PTPRT: variants seen among roughly 807,000 people sequenced by gnomAD.
PTPRT encodes the protein protein tyrosine phosphatase receptor type T.
In PTPRT, 56 loss-of-function variants were observed where a neutral mutation model predicts 176.8. The ratio of observed to expected loss-of-function variants is 0.32; its 90% CI spans 0.26 to 0.40. The LOEUF (loss-of-function observed/expected upper bound fraction) is 0.40, where lower values mean the gene tolerates loss of function less well. PTPRT is among the 10% of genes least tolerant of loss of function. PTPRT has a pLI of 1.00. For missense variants in PTPRT, 1,540 were observed against 1,908.2 expected, an observed-to-expected ratio of 0.81 and a Z score of 3.60; for synonymous variants, 783 against 739.0, an observed-to-expected ratio of 1.06 and a Z score of -0.96.
chr20:42,645,764 A>ATGTGTGTGTGTGTGTGTG (rs59454108), intron 7 of PTPRT, among the ~76,000 whole-genome samples: 10 of 139,586 alleles, frequency 7.2e-5, no homozygotes, highest in African/African-American at 2.6e-4. Context: ...ATGTGTATTT[A>ATGTGTGTGTGTGTGTGTG]TGTGTGTGTG....
intron 12 of PTPRT, among the ~76,000 whole-genome samples, chr20:42,302,992 C>A (rs1479151640): frequency 1.3e-5 from 2 of 152,156 alleles, no homozygotes; most frequent in East Asian, 3.9e-4. Flanking sequence ...CATTCCTCAA[C>A]AATAGGACTT....
At chr20:42,807,792 T>C (rs988317939) in intron 2 of PTPRT, among the ~76,000 whole-genome samples, 2 of 152,232 alleles carry the variant, frequency 1.3e-5, no homozygotes, top group African/African-American at 2.4e-5. Flanking sequence ...TTACTAATTA[T>C]GTGCCCGCTA....
At chr20:42,355,058 A>T (rs1029783918) in intron 9 of PTPRT, among the ~76,000 whole-genome samples, 1 of 152,002 alleles carries the variant, frequency 6.6e-6, no homozygotes, top group African/African-American at 2.4e-5. Flanking sequence ...TCCTTCTCAG[A>T]GGCAAGTGCT....
At chr20:42,669,248 G>A (rs1044735958) in intron 7 of PTPRT, among the ~76,000 whole-genome samples, 1 of 152,040 alleles carries the variant, frequency 6.6e-6, no homozygotes. Context: ...CTTCAATCTA[G>A]GTTCACCTGC....
intron 15 of PTPRT, among the ~76,000 whole-genome samples, chr20:42,219,808 C>T (rs1427645704): frequency 2.6e-5 from 4 of 152,172 alleles, no homozygotes; most frequent in Admixed American, 6.5e-5. Flanking sequence ...GCTTAACTAT[C>T]ACATGGTTCT....
chr20:42,883,694 CCT>C (rs2079042314), intron 2 of PTPRT, among the ~76,000 whole-genome samples: 1 of 4,778 alleles, frequency 2.1e-4, no homozygotes, highest in Non-Finnish European at 4.6e-4. Context: ...CACACACACA[CCT>C]CCCATACACC....
chr20:42,674,024 A>G (rs1171746147), intron 7 of PTPRT, among the ~76,000 whole-genome samples: 1 of 151,992 alleles, frequency 6.6e-6, no homozygotes, highest in Non-Finnish European at 1.5e-5. Context: ...ATACTCTCTC[A>G]CTTTCTGTTT....
chr20:42,236,282 T>A, intron 14 of PTPRT, 24 bp from the exon 15 acceptor site: 1 of 1,562,410 alleles, frequency 6.4e-7, no homozygotes, highest in Non-Finnish European at 8.8e-7. Flanking sequence ...GGCAGTCAGA[T>A]GAAGGAAATG....
chr20:42,449,308 T>C (rs2070785435), intron 8 of PTPRT, among the ~76,000 whole-genome samples: 1 of 152,144 alleles, frequency 6.6e-6, no homozygotes, highest in Non-Finnish European at 1.5e-5. Context: ...AGTGCAACCT[T>C]TCCTGGGGCT....
chr20:42,105,095 G>T (rs1986310786), intron 24 of PTPRT, among the ~76,000 whole-genome samples: 1 of 152,190 alleles, frequency 6.6e-6, no homozygotes, highest in Non-Finnish European at 1.5e-5. Context: ...TACTTGGGCT[G>T]TGTGGAAAGG....
intron 23 of PTPRT, among the ~76,000 whole-genome samples, chr20:42,108,422 AC>A (rs1235700749): frequency 7.0e-6 from 1 of 142,872 alleles, no homozygotes; most frequent in African/African-American, 3.0e-5. Flanking sequence ...TAAAATACTC[AC>A]TCATCTATAA....
rs965302090 is a variant in PTPRT, at chr20:42,688,145, A to T, written c.860-9986T>A. The T allele has an allele frequency of 2.0e-5, 3 of 152,174 alleles. No individual in the cohort carries two copies. In the East Asian group the frequency reaches 5.8e-4, roughly 29 times the overall value. 9.4% of individuals were successfully genotyped at this position (152,174 alleles called of 1,614,324 possible). A position where few individuals can be genotyped will look rare whatever the true frequency, so the allele number is the denominator to read the frequency against. ...CAGTCCTAGTGATGGGAGACTTCAG[A>T]TGGAGACTGGGATGCTGGAAGAAGG... On this transcript the variant is annotated intron_variant, in intron 6 of 30. Coordinates refer to ENST00000373187, the MANE Select transcript of PTPRT (RefSeq NM_007050.6).
At chr20:42,778,336 C>T (rs962287824) in intron 4 of PTPRT, among the ~76,000 whole-genome samples, 8 of 152,096 alleles carry the variant, frequency 5.3e-5, no homozygotes, top group African/African-American at 1.9e-4. Flanking sequence ...GGGTAAGAGA[C>T]AGGTGTCAAG....
chr20:42,078,012 A>G lies in PTPRT; in HGVS notation c.*2867T>C, dbSNP rs1177412889. ...ATGTACCAAGATCTAAGAAAATAGC[A>G]TACAGCAGGCAGATTTGCCATGCTA... On this transcript the variant is annotated 3_prime_UTR_variant, in exon 31 of 31. Transcript: ENST00000373187. 1 of 190,086 alleles carries G rather than the reference A, an allele frequency of 5.3e-6. No individual in the cohort carries two copies. The highest frequency in any genetic ancestry group is 1.1e-5 in the Non-Finnish European group (1 of 90,250). The allele number at this position is 190,086 out of a possible 1,614,324, so 11.8% of individuals were successfully genotyped here.
At chr20:42,044,221 G>C in the PTPRT span, among the ~76,000 whole-genome samples, 2 of 152,254 alleles carry the variant, frequency 1.3e-5, no homozygotes, top group African/African-American at 2.4e-5. Flanking sequence ...TCTGTGGGCA[G>C]CTCAGCTCCC....
chr20:42,952,896 T>C (rs1981341837), intron 1 of PTPRT, among the ~76,000 whole-genome samples: 1 of 152,194 alleles, frequency 6.6e-6, no homozygotes, highest in Non-Finnish European at 1.5e-5. Flanking sequence ...AGGTACCTAA[T>C]AAATGAGACG....
chr20:42,283,058 G>C (rs2057167048), intron 12 of PTPRT, among the ~76,000 whole-genome samples: 1 of 152,142 alleles, frequency 6.6e-6, no homozygotes, highest in Non-Finnish European at 1.5e-5. Flanking sequence ...CTGAGCTCTT[G>C]TGTGGGCCTC....
At chr20:42,072,193 G>T (rs6016678), downstream of PTPRT, among the ~76,000 whole-genome samples, 1 of 151,968 alleles carries the variant, frequency 6.6e-6, no homozygotes, top group African/African-American at 2.4e-5. Context: ...GGAGGAGGAT[G>T]AAAAAATAAG....
At chr20:42,647,971 A>G (rs970233563) in intron 7 of PTPRT, among the ~76,000 whole-genome samples, 2 of 152,060 alleles carry the variant, frequency 1.3e-5, no homozygotes, top group Admixed American at 6.5e-5. Flanking sequence ...TCTCGTCCCT[A>G]CTCAAGATGG....
Sources: gnomAD v4.1 joint callset for allele counts (sites outside exome capture counted in the v4.1 genomes callset) on GRCh38, gnomAD v4.1.1 for gene constraint, MANE v1.5 for transcripts, NCBI Gene and HGNC (gene_info 2026-07-23, HGNC 2026-07-21) for gene names.